ESR1: variants seen among roughly 807,000 people sequenced by gnomAD.
ESR1 encodes estrogen receptor.
ESR1 carries 12 observed loss-of-function variants against 52.7 expected under a neutral mutation model. That is an observed-to-expected ratio of 0.23 (90% CI 0.15 to 0.37). ESR1 has a LOEUF of 0.37. Among genes scored for constraint, ESR1 ranks in the 10% least tolerant of loss-of-function variants. ESR1 has a pLI of 1.00. For missense variants in ESR1, 584 were observed against 779.7 expected (o/e 0.75, Z 2.99); for synonymous variants, 305 against 316.8 (o/e 0.96, Z 0.39).
At chr6:152,010,728 T>C (rs2042693044) in intron 4 of ESR1, among the ~76,000 whole-genome samples, 1 of 152,138 alleles carries the variant, frequency 6.6e-6, no homozygotes, top group Non-Finnish European at 1.5e-5. Context: ...ATAAGCTCTC[T>C]GAGCATCTGT....
chr6:151,801,890 G>A (rs1777282580), upstream of ESR1, among the ~76,000 whole-genome samples: 2 of 152,216 alleles, frequency 1.3e-5, no homozygotes, highest in Admixed American at 6.5e-5. Context: ...AGGAAATGCG[G>A]TACATGCACT....
At chr6:152,001,511 C>G (rs554298068) in intron 4 of ESR1, among the ~76,000 whole-genome samples, 1 of 152,128 alleles carries the variant, frequency 6.6e-6, no homozygotes, top group African/African-American at 2.4e-5. Flanking sequence ...TTGTAACAGG[C>G]AATTAAATTT....
chr6:151,926,094 G>T (rs1277388521), intron 3 of ESR1, among the ~76,000 whole-genome samples: 1 of 152,058 alleles, frequency 6.6e-6, no homozygotes, highest in East Asian at 1.9e-4. Flanking sequence ...CTGAAAAGAT[G>T]ACCTTTTTCT....
chr6:151,793,179 A>C (rs1776362291), intron 2 of ESR1, among the ~76,000 whole-genome samples: 1 of 152,068 alleles, frequency 6.6e-6, no homozygotes, highest in African/African-American at 2.4e-5. Context: ...TCAAAAAAAA[A>C]AAAAAAAGTT....
rs565540897 is a variant in ESR1 at position 151,869,589 on chromosome 6, G to C, written c.644-11066G>C. Among the ~76,000 whole-genome samples, 10 of 152,206 alleles carry C rather than the reference G, an allele frequency of 6.6e-5. No individual in the cohort carries two copies. The South Asian group carries it at 2.1e-3, about 32-fold the overall frequency. On this transcript the variant is annotated intron_variant, in intron 2 of 7. Coordinates refer to ENST00000206249, the MANE Select transcript of ESR1 (RefSeq NM_000125.4). Reference sequence around the variant, plus strand: ...TAAAACAATTGTGGTTTTGCAGATGGTAAGTTAGAGGTTGGACAAAAAAAG... The same window carrying C: ...TAAAACAATTGTGGTTTTGCAGATGCTAAGTTAGAGGTTGGACAAAAAAAG...
chr6:152,090,356 C>T (rs78267393), intron 6 of ESR1, among the ~76,000 whole-genome samples: 4 of 152,154 alleles, frequency 2.6e-5, no homozygotes, highest in African/African-American at 9.7e-5. Flanking sequence ...GATCAAGATG[C>T]GATAGAATGA....
intron 2 of ESR1, among the ~76,000 whole-genome samples, chr6:151,761,673 T>G (rs993588785): frequency 1.3e-5 from 2 of 152,242 alleles, no homozygotes; most frequent in Non-Finnish European, 2.9e-5. Flanking sequence ...CCTCAATAAA[T>G]GCTAGCTATC....
At chr6:152,113,501 C>T (rs1026377341) in intron 6 of ESR1, among the ~76,000 whole-genome samples, 12 of 152,060 alleles carry the variant, frequency 7.9e-5, no homozygotes, top group South Asian at 6.2e-4. Flanking sequence ...AGAGGTCTGC[C>T]CTACAACATT....
At chr6:151,955,836 A>G (rs551888461) in intron 4 of ESR1, among the ~76,000 whole-genome samples, 5 of 152,316 alleles carry the variant, frequency 3.3e-5, no homozygotes, top group Admixed American at 6.5e-5. Flanking sequence ...TACTAAGCAT[A>G]GTACCCAACA....
intron 5 of ESR1, among the ~76,000 whole-genome samples, chr6:152,019,343 G>A (rs961093404): frequency 9.9e-5 from 15 of 152,124 alleles, no homozygotes; most frequent in African/African-American, 2.7e-4. Context: ...ATTATCAGTC[G>A]TCAAAGTGCT....
At chr6:151,907,912 A>G (rs905531876) in intron 3 of ESR1, among the ~76,000 whole-genome samples, 3 of 152,208 alleles carry the variant, frequency 2.0e-5, no homozygotes, top group African/African-American at 4.8e-5. Flanking sequence ...CATGAAATAG[A>G]TCATGAAGAA....
chr6:151,870,144 C>G (rs1790694397), intron 2 of ESR1, among the ~76,000 whole-genome samples: 1 of 152,190 alleles, frequency 6.6e-6, no homozygotes. Context: ...TGTTCTGTCA[C>G]AGAATATAAA....
intron 2 of ESR1, among the ~76,000 whole-genome samples, chr6:151,869,337 A>G (rs1270121665): frequency 1.3e-5 from 2 of 152,176 alleles, no homozygotes. Flanking sequence ...TAATCACACC[A>G]GTCGTCACAA....
At chr6:151,922,295 CTTA>C (rs2031855748) in intron 3 of ESR1, among the ~76,000 whole-genome samples, 1 of 152,230 alleles carries the variant, frequency 6.6e-6, no homozygotes, top group African/African-American at 2.4e-5. Flanking sequence ...TTCCTTACAC[CTTA>C]TACAAAAATT....
chr6:151,890,836 A>G (rs534753386), intron 3 of ESR1, among the ~76,000 whole-genome samples: 1 of 152,156 alleles, frequency 6.6e-6, no homozygotes, highest in African/African-American at 2.4e-5. Context: ...TTTTCATAGA[A>G]TGCCTTTTTT....
At chr6:151,870,653 A>G (rs1333031545) in intron 2 of ESR1, among the ~76,000 whole-genome samples, 2 of 152,120 alleles carry the variant, frequency 1.3e-5, no homozygotes, top group Admixed American at 1.3e-4. Context: ...AATCTAACTC[A>G]TTGCTTGTGA....
At chr6:151,954,126 C>A (rs1439450838) in intron 4 of ESR1, among the ~76,000 whole-genome samples, 1 of 152,208 alleles carries the variant, frequency 6.6e-6, no homozygotes, top group Non-Finnish European at 1.5e-5. Context: ...ACGAAATTAA[C>A]TGTTCTTGAT....
intron 2 of ESR1, among the ~76,000 whole-genome samples, chr6:151,744,355 G>A (rs1783327264): frequency 1.3e-5 from 2 of 152,130 alleles, no homozygotes; most frequent in Admixed American, 1.3e-4. Flanking sequence ...ATGCATGAGG[G>A]TTCAATTTCT....
chr6:151,708,788 T>C (rs1780361195), intron 2 of ESR1, among the ~76,000 whole-genome samples: 1 of 152,198 alleles, frequency 6.6e-6, no homozygotes, highest in Non-Finnish European at 1.5e-5. Context: ...AAAAGTTCTT[T>C]GACTATTACA....
Sources: gnomAD v4.1 joint callset for allele counts (sites outside exome capture counted in the v4.1 genomes callset) on GRCh38, gnomAD v4.1.1 for gene constraint, MANE v1.5 for transcripts, NCBI Gene and HGNC (gene_info 2026-07-23, HGNC 2026-07-21) for gene names.